Variants in TBCA observed in about 807,000 individuals in gnomAD.
TBCA encodes the protein tubulin-specific chaperone A.
TBCA carries 6 observed loss-of-function variants against 15.8 expected under a neutral mutation model. That is an observed-to-expected ratio of 0.38 (90% CI 0.21 to 0.75). The LOEUF (loss-of-function observed/expected upper bound fraction) is 0.75, where lower values mean the gene tolerates loss of function less well. Among genes scored for constraint, TBCA ranks in the 30% least tolerant of loss-of-function variants. The probability of loss-of-function intolerance (pLI) is 0.46; values close to 1 mark genes in which losing one functional copy is unlikely to be tolerated. For missense variants in TBCA, 90 were observed against 131.2 expected (o/e 0.69, Z 1.53); for synonymous variants, 32 against 42.3 (o/e 0.76, Z 0.94).
intron 1 of TBCA, among the ~76,000 whole-genome samples, chr5:77,719,278 C>T (rs1346656383): frequency 6.6e-6 from 1 of 152,092 alleles, no homozygotes; most frequent in Non-Finnish European, 1.5e-5. Flanking sequence ...ACAGAAAATA[C>T]AATCGTATGT....
At chr5:77,758,936 AGT>A (rs1368326921) in intron 1 of TBCA, among the ~76,000 whole-genome samples, 1 of 152,200 alleles carries the variant, frequency 6.6e-6, no homozygotes, top group Non-Finnish European at 1.5e-5. Context: ...TTATCACTTT[AGT>A]GTGACAACCG....
At chr5:77,702,480 A>G (rs2112430854) in intron 2 of TBCA, among the ~76,000 whole-genome samples, 1 of 152,328 alleles carries the variant, frequency 6.6e-6, no homozygotes, top group Middle Eastern at 3.4e-3. Context: ...GAGGCAGTGT[A>G]ATTATTTAGG....
In TBCA at chr5:77,760,030, T is replaced by C. The variant is rs528209556; in HGVS notation, c.53+16175A>G. ...CTGGGATTCCAAGGCAAAATAGGTTTATCTGCCCTTTTTCTTCTTCTCCCT... is the reference window on the plus strand; with the variant it reads ...CTGGGATTCCAAGGCAAAATAGGTTCATCTGCCCTTTTTCTTCTTCTCCCT... On this transcript the variant is annotated intron_variant, in intron 1 of 3. Coordinates refer to ENST00000380377, the MANE Select transcript of TBCA (RefSeq NM_004607.3). 4.6e-5 allele frequency among the ~76,000 whole-genome samples: 7 copies of C among 152,350 alleles called. No homozygotes were observed. In the South Asian group the frequency reaches 1.0e-3, roughly 23 times the overall value.
intron 1 of TBCA, among the ~76,000 whole-genome samples, chr5:77,717,705 G>A (rs971269962): frequency 2.0e-5 from 3 of 152,100 alleles, no homozygotes; most frequent in South Asian, 2.1e-4. Flanking sequence ...AGTGGTGCAC[G>A]CCTGTAATCC....
intron 2 of TBCA, among the ~76,000 whole-genome samples, chr5:77,700,166 C>T (rs1442276453): frequency 1.3e-5 from 2 of 152,080 alleles, no homozygotes; most frequent in African/African-American, 4.8e-5. Flanking sequence ...GATCTCCTCA[C>T]TGCACTCCAG....
intron 1 of TBCA, among the ~76,000 whole-genome samples, chr5:77,731,130 G>A (rs932887058): frequency 4.6e-5 from 7 of 152,070 alleles, no homozygotes; most frequent in East Asian, 1.9e-4. Flanking sequence ...GGCCTTCTAC[G>A]AATGTCCTAT....
chr5:77,693,811 A>AAAAAAAAAAAAAAAAT (rs1745811674), intron 2 of TBCA, among the ~76,000 whole-genome samples: 1 of 150,664 alleles, frequency 6.6e-6, no homozygotes, highest in Admixed American at 6.6e-5. Context: ...AAAAAAAAAA[A>AAAAAAAAAAAAAAAAT]AAAAAAAAAA....
At chr5:77,762,384 CTATT>C (rs1427254471) in intron 1 of TBCA, among the ~76,000 whole-genome samples, 5 of 152,022 alleles carry the variant, frequency 3.3e-5, no homozygotes, top group Non-Finnish European at 7.4e-5. Flanking sequence ...ATTTTAAGGT[CTATT>C]TATTTTCTTT....
intron 2 of TBCA, among the ~76,000 whole-genome samples, chr5:77,696,790 T>C (rs1346171563): frequency 6.6e-6 from 1 of 152,108 alleles, no homozygotes; most frequent in African/African-American, 2.4e-5. Context: ...TGGTGGCACA[T>C]GCCTCTAGTT....
intron 1 of TBCA, among the ~76,000 whole-genome samples, chr5:77,732,241 GTT>G (rs1455264264): frequency 6.6e-6 from 1 of 152,020 alleles, no homozygotes; most frequent in Non-Finnish European, 1.5e-5. Context: ...ATCTTAAAAC[GTT>G]TTCTCTATAA....
intron 2 of TBCA, among the ~76,000 whole-genome samples, chr5:77,699,883 C>T (rs1745967035): frequency 6.6e-6 from 1 of 151,772 alleles, no homozygotes; most frequent in Non-Finnish European, 1.5e-5. Context: ...ACTAAAAATA[C>T]AAAAATTAGC....
In TBCA at chr5:77,702,224, A is replaced by C. The variant is rs1167707083; in HGVS notation, c.159+6018T>G. Among the ~76,000 whole-genome samples, 6 of 152,160 alleles carry C rather than the reference A, an allele frequency of 3.9e-5. 1 individual carries two copies. On this transcript the variant is annotated intron_variant, in intron 2 of 3. Coordinates refer to ENST00000380377, the MANE Select transcript of TBCA (RefSeq NM_004607.3). The stretch of plus-strand genomic sequence containing the variant: ...AAAATAAAACCTATGTTCACATCAA[A>C]ACTGTACATGAACATTCACAGCAGC...
chr5:77,749,988 A>C (rs889535674), intron 1 of TBCA, among the ~76,000 whole-genome samples: 38 of 152,316 alleles, frequency 2.5e-4, no homozygotes, highest in African/African-American at 8.2e-4. Context: ...ATACTTGTGC[A>C]TGCACAGAAC....
At chr5:77,751,426 G>A (rs1005531030) in intron 1 of TBCA, among the ~76,000 whole-genome samples, 4 of 151,918 alleles carry the variant, frequency 2.6e-5, no homozygotes, top group African/African-American at 9.7e-5. Context: ...CGATCCACCT[G>A]CCTCGGGCTC....
Position 77,693,170 on chromosome 5 carries a change from C to T in TBCA, c.246+96G>A, listed in dbSNP as rs751057540. The T allele has an allele frequency of 5.2e-6, 8 of 1,547,332 alleles. No individual in the cohort carries two copies. In the South Asian group the frequency reaches 9.5e-5, roughly 18 times the overall value. ...AAGGGCAAGTGAATAAGAAATACTG[C>T]CAACTAGTTCTCAGTGTTAAATATT... On this transcript the variant is annotated intron_variant, in intron 3 of 3. Coordinates refer to ENST00000380377, the MANE Select transcript of TBCA (RefSeq NM_004607.3).
In TBCA at chr5:77,752,006, G is replaced by C. The variant is rs185434645; in HGVS notation, c.53+24199C>G. On this transcript the variant is annotated intron_variant, in intron 1 of 3. Transcript: ENST00000380377. Reference sequence around the variant, plus strand: ...CCAAGATCATCTGGTCCAATAGGCTGGTTGCAAGAATAACCTCCTGTGCAT... The same window carrying C: ...CCAAGATCATCTGGTCCAATAGGCTCGTTGCAAGAATAACCTCCTGTGCAT... 4.0e-3 allele frequency among the ~76,000 whole-genome samples: 603 copies of C among 152,272 alleles called. 6 individuals carry two copies. The highest frequency in any genetic ancestry group is 0.013 in the African/African-American group (546 of 41,552).
intron 1 of TBCA, among the ~76,000 whole-genome samples, chr5:77,759,278 G>A (rs894801587): frequency 1.3e-5 from 2 of 152,176 alleles, no homozygotes; most frequent in African/African-American, 4.8e-5. Context: ...AGGAACATCT[G>A]GGTTAAGATA....
At chr5:77,766,766 G>A (rs1324207383) in intron 1 of TBCA, among the ~76,000 whole-genome samples, 1 of 22,208 alleles carries the variant, frequency 4.5e-5, no homozygotes, top group Non-Finnish European at 9.8e-5. Flanking sequence ...CAAAGTGCTG[G>A]GATTACAGGC....
At chr5:77,709,654 A>G (rs1429100186) in intron 1 of TBCA, among the ~76,000 whole-genome samples, 2 of 152,194 alleles carry the variant, frequency 1.3e-5, no homozygotes, top group Non-Finnish European at 2.9e-5. Context: ...CAGAGTAACC[A>G]TATGTCCTGA....
Sources: allele counts gnomAD v4.1 joint callset (sites outside exome capture counted in the v4.1 genomes callset), GRCh38; gene constraint gnomAD v4.1.1; transcripts MANE v1.5; gene names NCBI Gene and HGNC (gene_info 2026-07-23, HGNC 2026-07-21).